Variants in MAGI1 observed in about 807,000 individuals in gnomAD.
The protein encoded by MAGI1 is membrane associated guanylate kinase, WW and PDZ domain containing 1.
A neutral mutation model predicts 139.9 loss-of-function variants in MAGI1; 58 were observed. The observed-to-expected ratio is 0.41, with a 90% CI of 0.34 to 0.52. The LOEUF is 0.52. Ranked by LOEUF, MAGI1 falls within the 20% of genes least tolerant of loss-of-function variation. The pLI, the probability that MAGI1 is intolerant of heterozygous loss-of-function variation, is 0.12. For synonymous variants in MAGI1, 812 were observed against 737.9 expected (o/e 1.10, Z -1.63); for missense variants, 1,874 against 1,901.6 (o/e 0.99, Z 0.27).
At chr3:65,878,505 G>A (rs1469280987) in intron 1 of MAGI1, among the ~76,000 whole-genome samples, 3 of 125,844 alleles carry the variant, frequency 2.4e-5, no homozygotes, top group African/African-American at 6.5e-5. Context: ...AACAGAGCGA[G>A]ACTCAGTCTC....
At chr3:66,010,799 T>C (rs1467941872) in intron 1 of MAGI1, among the ~76,000 whole-genome samples, 3 of 152,232 alleles carry the variant, frequency 2.0e-5, no homozygotes, top group African/African-American at 7.2e-5. Flanking sequence ...CACTACCAAC[T>C]TGGTGTTTAC....
At chr3:65,493,828 A>T (rs1005652982) in intron 2 of MAGI1, among the ~76,000 whole-genome samples, 197 bp from the exon 3 acceptor site, 3 of 152,140 alleles carry the variant, frequency 2.0e-5, no homozygotes, top group Non-Finnish European at 2.9e-5. Flanking sequence ...TCCACACTCT[A>T]GTGCCTGGGA....
At position 65,763,522 on chromosome 3, in the gene MAGI1, T is replaced by C. The variant is rs1254697025; in HGVS notation, c.314-141434A>G. Among the ~76,000 whole-genome samples, 4 of 152,142 alleles carry C rather than the reference T, an allele frequency of 2.6e-5. No individual in the cohort carries two copies. In the East Asian group the frequency reaches 7.7e-4, roughly 29 times the overall value. On this transcript the variant is annotated intron_variant, in intron 1 of 22. Transcript: ENST00000402939. ...AGCACACATCACTTATCAAGCACTT[T>C]TTCTATAGTAACTCATTTAATCCTC...
In MAGI1 at chr3:65,512,765, C is replaced by G. The variant is rs879886951; in HGVS notation, c.431-19134G>C. On this transcript the variant is annotated intron_variant, in intron 2 of 22. Transcript: ENST00000402939. Reference sequence around the variant, plus strand: ...GGTACCATTCCTTCTGAAACTATTCCAATCAATAGAAAAAGAGGGAATCCT... The same window carrying G: ...GGTACCATTCCTTCTGAAACTATTCGAATCAATAGAAAAAGAGGGAATCCT... Among the ~76,000 whole-genome samples, 352 of 147,550 alleles carry G rather than the reference C, an allele frequency of 2.4e-3. 3 individuals carry two copies. The highest frequency in any genetic ancestry group is 4.3e-3 in the Admixed American group (64 of 14,834).
intron 1 of MAGI1, among the ~76,000 whole-genome samples, chr3:66,033,062 T>C: frequency 6.6e-6 from 1 of 151,802 alleles, no homozygotes; most frequent in Non-Finnish European, 1.5e-5. Context: ...GGGGTCTCAC[T>C]CTGTCACCCA....
chr3:65,975,417 A>C (rs1035988058), intron 1 of MAGI1, among the ~76,000 whole-genome samples: 10 of 152,196 alleles, frequency 6.6e-5, no homozygotes, highest in Non-Finnish European at 1.5e-4. Flanking sequence ...ATAAAATTTA[A>C]GAAAATACTT....
intron 1 of MAGI1, among the ~76,000 whole-genome samples, chr3:65,778,453 T>TAGAC (rs10663644): frequency 7.7e-6 from 1 of 130,454 alleles, no homozygotes; most frequent in South Asian, 2.3e-4. Flanking sequence ...AATAAATAAA[T>TAGAC]AAGTCTTTTG....
intron 1 of MAGI1, among the ~76,000 whole-genome samples, chr3:65,867,331 T>C (rs1292700925): frequency 6.6e-6 from 1 of 152,208 alleles, no homozygotes; most frequent in East Asian, 1.9e-4. Flanking sequence ...GGCACGCTGT[T>C]GGCAGCAGCA....
At chr3:65,454,781 A>C (rs562664462) in intron 5 of MAGI1, among the ~76,000 whole-genome samples, 1 of 151,524 alleles carries the variant, frequency 6.6e-6, no homozygotes, top group Non-Finnish European at 1.5e-5. Context: ...TATACACGTC[A>C]TATCAACTGT....
intron 1 of MAGI1, among the ~76,000 whole-genome samples, chr3:65,668,831 T>C (rs542344204): frequency 1.8e-4 from 28 of 152,044 alleles, no homozygotes; most frequent in African/African-American, 6.0e-4. Flanking sequence ...GGATTACAGG[T>C]GTGAGCCACT....
intron 1 of MAGI1, among the ~76,000 whole-genome samples, chr3:65,625,266 A>G (rs534487790): frequency 6.6e-6 from 1 of 152,338 alleles, no homozygotes; most frequent in South Asian, 2.1e-4. Flanking sequence ...ATGTTTTATT[A>G]TATGTAAGCT....
At chr3:65,767,154 T>G (rs2037553776) in intron 1 of MAGI1, among the ~76,000 whole-genome samples, 1 of 152,188 alleles carries the variant, frequency 6.6e-6, no homozygotes. Context: ...TCATCAAGTC[T>G]GCCTCTCTAT....
At chr3:65,581,526 T>A (rs1417208964) in intron 2 of MAGI1, among the ~76,000 whole-genome samples, 1 of 152,160 alleles carries the variant, frequency 6.6e-6, no homozygotes, top group Non-Finnish European at 1.5e-5. Flanking sequence ...AGCCACACTG[T>A]CCCTGCCCCC....
intron 1 of MAGI1, among the ~76,000 whole-genome samples, chr3:65,781,515 A>G (rs2038931510): frequency 6.6e-6 from 1 of 152,228 alleles, no homozygotes; most frequent in Admixed American, 6.5e-5. Flanking sequence ...TGCATGGAAT[A>G]GGTTTTTTAA....
At chr3:65,853,562 T>C (rs1480009256) in intron 1 of MAGI1, among the ~76,000 whole-genome samples, 2 of 152,166 alleles carry the variant, frequency 1.3e-5, no homozygotes, top group African/African-American at 2.4e-5. Context: ...ATTTCTCAGT[T>C]CTGCCCACAC....
chr3:65,810,027 T>C (rs2041123764), intron 1 of MAGI1, among the ~76,000 whole-genome samples: 1 of 151,974 alleles, frequency 6.6e-6, no homozygotes, highest in African/African-American at 2.4e-5. Flanking sequence ...CACACACTTC[T>C]CTATCATTTT....
intron 1 of MAGI1, among the ~76,000 whole-genome samples, chr3:65,982,201 C>T (rs1310532648): frequency 2.6e-5 from 4 of 152,210 alleles, no homozygotes; most frequent in Non-Finnish European, 5.9e-5. Flanking sequence ...CGGCCCTCTC[C>T]TGTGGCTTTG....
intron 1 of MAGI1, among the ~76,000 whole-genome samples, chr3:65,862,265 T>G (rs1034808382): frequency 1.1e-4 from 16 of 152,172 alleles, no homozygotes; most frequent in African/African-American, 3.4e-4. Flanking sequence ...CAGTTTTTTC[T>G]TCTATAAAAT....
At position 65,406,049 on chromosome 3, in the gene MAGI1, T is replaced by C. The variant is rs373910206; in HGVS notation, c.2168-4579A>G. On this transcript the variant is annotated intron_variant, in intron 12 of 22. Transcript: ENST00000402939. The stretch of plus-strand genomic sequence containing the variant: ...CCTCTATACTGCTTTTTAAGATAAA[T>C]GCAGCATATTTCAGAACATTTTGTT... Among the ~76,000 whole-genome samples, 33 of 152,278 alleles carry C rather than the reference T, an allele frequency of 2.2e-4. No homozygotes were observed. The East Asian group carries it at 2.3e-3, about 11-fold the overall frequency.
Sources: allele counts gnomAD v4.1 joint callset (sites outside exome capture counted in the v4.1 genomes callset), GRCh38; gene constraint gnomAD v4.1.1; transcripts MANE v1.5; gene names NCBI Gene and HGNC (gene_info 2026-07-23, HGNC 2026-07-21).